UBE2H: variants seen among roughly 807,000 people sequenced by gnomAD.
UBE2H encodes the protein ubiquitin conjugating enzyme E2 H.
In UBE2H, 3 loss-of-function variants were observed where a neutral mutation model predicts 29.0. That is an observed-to-expected ratio of 0.10 (90% CI 0.05 to 0.27). The LOEUF (loss-of-function observed/expected upper bound fraction) is 0.27, where lower values mean the gene tolerates loss of function less well. Among genes scored for constraint, UBE2H ranks in the 10% least tolerant of loss-of-function variants. The pLI is 1.00. For synonymous variants in UBE2H, 69 were observed against 82.9 expected, an observed-to-expected ratio of 0.83 and a Z score of 0.91; for missense variants, 68 against 228.2, an observed-to-expected ratio of 0.30 and a Z score of 4.52.
intron 1 of UBE2H, among the ~76,000 whole-genome samples, chr7:129,881,660 A>G (rs1337347311): frequency 2.0e-5 from 3 of 152,098 alleles, no homozygotes; most frequent in Admixed American, 1.3e-4. Flanking sequence ...AAATAAAATA[A>G]AAAATATACA....
At chr7:129,854,060 G>GGTTTTTTTTTTTTTTT (rs1554430936) in intron 5 of UBE2H, among the ~76,000 whole-genome samples, 1 of 100,282 alleles carries the variant, frequency 1.0e-5, no homozygotes, top group Non-Finnish European at 2.0e-5. Flanking sequence ...TTTAGTGTTA[G>GGTTTTTTTTTTTTTTT]TTTTTTTTTT....
intron 1 of UBE2H, among the ~76,000 whole-genome samples, chr7:129,895,867 C>A (rs1806590436): frequency 6.6e-6 from 1 of 152,052 alleles, no homozygotes; most frequent in African/African-American, 2.4e-5. Context: ...CAAAGCAAGA[C>A]TCTGTCTCAG....
intron 3 of UBE2H, among the ~76,000 whole-genome samples, chr7:129,875,464 A>C (rs1275979799): frequency 1.3e-5 from 2 of 152,212 alleles, no homozygotes; most frequent in Non-Finnish European, 2.9e-5. Context: ...TTGACAGTGC[A>C]CATTTCTAAA....
chr7:129,934,999 GTA>G lies in UBE2H; in HGVS notation c.53+17502_53+17503del, dbSNP rs530473433. ...TATGTGTGTGTATATATATGTGTGT[GTA>G]TATGTGTGTGTGTGTGTGTATATAT... On this transcript the variant is annotated intron_variant, in intron 1 of 6. Transcript: ENST00000355621. 1.2e-3 allele frequency among the ~76,000 whole-genome samples: 183 copies of G among 150,648 alleles called. 2 individuals carry two copies. Among genetic ancestry groups the G allele is most frequent in the South Asian group, 0.011 (51 of 4,784 alleles).
chr7:129,907,499 G>A (rs1806844059), intron 1 of UBE2H, among the ~76,000 whole-genome samples: 2 of 152,210 alleles, frequency 1.3e-5, no homozygotes, highest in South Asian at 4.1e-4. Flanking sequence ...AGAGGTTCAT[G>A]TAGCCGGGTT....
intron 5 of UBE2H, chr7:129,839,677 TA>T (rs921994474): frequency 1.9e-5 from 5 of 266,734 alleles, no homozygotes; most frequent in African/African-American, 2.4e-5. Context: ...TGCTGGGTCT[TA>T]AAAGAATTGA....
chr7:129,882,189 C>A (rs574872497), intron 1 of UBE2H, among the ~76,000 whole-genome samples: 1 of 152,108 alleles, frequency 6.6e-6, no homozygotes, highest in African/African-American at 2.4e-5. Context: ...GAGGACTACT[C>A]GTTTAAAATC....
chr7:129,884,410 C>A (rs1806316590), intron 1 of UBE2H, among the ~76,000 whole-genome samples: 1 of 145,514 alleles, frequency 6.9e-6, no homozygotes, highest in Non-Finnish European at 1.5e-5. Flanking sequence ...GAGCAAGACT[C>A]CATCTCAAAA....
At chr7:129,927,693 T>C (rs891373726) in intron 1 of UBE2H, among the ~76,000 whole-genome samples, 1 of 152,138 alleles carries the variant, frequency 6.6e-6, no homozygotes, top group Admixed American at 6.6e-5. Flanking sequence ...GGACATTACG[T>C]TAAGTAAAAT....
chr7:129,842,030 G>T (rs1805437702), intron 5 of UBE2H, among the ~76,000 whole-genome samples: 1 of 152,162 alleles, frequency 6.6e-6, no homozygotes, highest in African/African-American at 2.4e-5. Flanking sequence ...ATGTTTTCTA[G>T]AATTACAACT....
chr7:129,842,094 T>C (rs1334134036), intron 5 of UBE2H, among the ~76,000 whole-genome samples: 2 of 152,218 alleles, frequency 1.3e-5, no homozygotes, highest in Admixed American at 1.3e-4. Flanking sequence ...CTCAAGGCAA[T>C]AGATGTGTAA....
Position 129,952,921 on chromosome 7 carries a change from G to A in UBE2H, c.-366C>T, listed in dbSNP as rs1046753772. ...CTAGCAGCCTCCACTATAAGCGGAC[G>A]ACTCCTGCTCAGTCGGCCTCCCTAC... On this transcript the variant is annotated 5_prime_UTR_variant, in exon 1 of 7. Transcript: ENST00000355621. 3.0e-5 allele frequency: 5 copies of A among 168,292 alleles called. No homozygotes were observed. Among genetic ancestry groups the A allele is most frequent in the Admixed American group, 6.4e-5 (1 of 15,608 alleles). 10.4% of individuals were successfully genotyped at this position (168,292 alleles called of 1,614,324 possible).
chr7:129,901,087 T>C (rs1437126866), intron 1 of UBE2H, among the ~76,000 whole-genome samples: 2 of 152,156 alleles, frequency 1.3e-5, no homozygotes, highest in Non-Finnish European at 2.9e-5. Context: ...CCCAAGGAAA[T>C]AAGCACTGTC....
At chr7:129,887,405 A>G (rs1806385987) in intron 1 of UBE2H, among the ~76,000 whole-genome samples, 2 of 151,796 alleles carry the variant, frequency 1.3e-5, no homozygotes, top group Non-Finnish European at 2.9e-5. Context: ...TATTTTTAGT[A>G]GAGACGGGGT....
At chr7:129,927,418 T>G (rs1226073162) in intron 1 of UBE2H, among the ~76,000 whole-genome samples, 2 of 152,150 alleles carry the variant, frequency 1.3e-5, no homozygotes, top group Non-Finnish European at 2.9e-5. Context: ...TGGACTCCTG[T>G]AATCCCAGCT....
intron 1 of UBE2H, chr7:129,948,871 G>T: frequency 1.0e-5 from 3 of 300,574 alleles, no homozygotes; most frequent in East Asian, 9.5e-5. Context: ...TTTACCCCTC[G>T]AAAACACACT....
chr7:129,951,999 G>C (rs1216718646), intron 1 of UBE2H, among the ~76,000 whole-genome samples: 1 of 152,180 alleles, frequency 6.6e-6, no homozygotes, highest in Non-Finnish European at 1.5e-5. Context: ...TCCTAATATA[G>C]AAAGGAATTA....
At chr7:129,937,326 C>T (rs1194329573) in intron 1 of UBE2H, among the ~76,000 whole-genome samples, 1 of 151,554 alleles carries the variant, frequency 6.6e-6, no homozygotes, top group African/African-American at 2.4e-5. Context: ...GAGACTCCAT[C>T]TCAAAACAAA....
At chr7:129,848,613 CAA>C (rs1365494846) in intron 5 of UBE2H, among the ~76,000 whole-genome samples, 1 of 152,190 alleles carries the variant, frequency 6.6e-6, no homozygotes, top group Non-Finnish European at 1.5e-5. Flanking sequence ...GAATTTCACC[CAA>C]GTTATTCACA....
Sources: gnomAD v4.1 joint callset for allele counts (sites outside exome capture counted in the v4.1 genomes callset) on GRCh38, gnomAD v4.1.1 for gene constraint, MANE v1.5 for transcripts, NCBI Gene and HGNC (gene_info 2026-07-23, HGNC 2026-07-21) for gene names.